The following IQCJ variants were observed in gnomAD, a reference collection of about 807,000 sequenced individuals.
IQCJ encodes the protein IQ domain-containing protein J.
A neutral mutation model predicts 11.0 loss-of-function variants in IQCJ; 9 were observed. The observed-to-expected ratio is 0.82, with a 90% CI of 0.49 to 1.43. The LOEUF (loss-of-function observed/expected upper bound fraction) is 1.43. IQCJ is among the 40% of genes most tolerant of loss of function. The pLI, the probability that IQCJ is intolerant of heterozygous loss-of-function variation, is 0.00. For missense variants in IQCJ, 146 were observed against 133.2 expected, an observed-to-expected ratio of 1.10 and a Z score of -0.47; for synonymous variants, 55 against 51.3, an observed-to-expected ratio of 1.07 and a Z score of -0.31.
chr3:159,203,328 AT>A (rs1177019441), intron 1 of IQCJ, among the ~76,000 whole-genome samples: 2 of 150,492 alleles, frequency 1.3e-5, no homozygotes, highest in Middle Eastern at 3.2e-3. Flanking sequence ...AGGTGAGGAA[AT>A]TGCAGCTCAG....
intron 1 of IQCJ, among the ~76,000 whole-genome samples, chr3:159,147,631 AG>A (rs1041347977): frequency 1.3e-5 from 2 of 152,170 alleles, no homozygotes; most frequent in Non-Finnish European, 2.9e-5. Flanking sequence ...TGGTTGGGGG[AG>A]GGGAATTAAG....
intron 2 of IQCJ, among the ~76,000 whole-genome samples, 180 bp from the exon 3 acceptor site, chr3:159,252,547 A>AT (rs536180323): frequency 4.0e-4 from 60 of 149,890 alleles, no homozygotes; most frequent in African/African-American, 8.6e-4. Context: ...TCAAAGCCAC[A>AT]TTTTTTTTTT....
At chr3:159,201,519 G>GTT (rs1358075558) in intron 1 of IQCJ, among the ~76,000 whole-genome samples, 41 of 151,274 alleles carry the variant, frequency 2.7e-4, no homozygotes, top group Non-Finnish European at 4.9e-4. Context: ...CTCTGTGTGT[G>GTT]TGTGTGTGTG....
intron 1 of IQCJ, among the ~76,000 whole-genome samples, chr3:159,129,194 A>G (rs1719850086): frequency 6.6e-6 from 1 of 152,216 alleles, no homozygotes; most frequent in Non-Finnish European, 1.5e-5. Flanking sequence ...CAGAGGCCCT[A>G]AGAGATTAAA....
chr3:159,143,545 C>T (rs1393067571), intron 1 of IQCJ, among the ~76,000 whole-genome samples: 2 of 152,116 alleles, frequency 1.3e-5, no homozygotes, highest in Admixed American at 6.6e-5. Context: ...GCCTTAAACC[C>T]AGAGCGTGGG....
chr3:159,128,173 C>G (rs754197415), intron 1 of IQCJ, among the ~76,000 whole-genome samples: 9 of 151,988 alleles, frequency 5.9e-5, no homozygotes, highest in Non-Finnish European at 1.0e-4. Flanking sequence ...TATTATCAGG[C>G]AAAGGTAAAT....
intron 1 of IQCJ, among the ~76,000 whole-genome samples, chr3:159,145,352 T>C (rs1720865890): frequency 6.6e-6 from 1 of 152,212 alleles, no homozygotes; most frequent in Non-Finnish European, 1.5e-5. Flanking sequence ...GAGTTAAATG[T>C]CTTCTTCTGT....
At chr3:159,127,475 A>C (rs977532453) in intron 1 of IQCJ, among the ~76,000 whole-genome samples, 5 of 152,204 alleles carry the variant, frequency 3.3e-5, no homozygotes, top group African/African-American at 1.2e-4. Context: ...AGAGCTCAGG[A>C]AACTCTAGTT....
intron 1 of IQCJ, among the ~76,000 whole-genome samples, chr3:159,101,214 G>A (rs970514261): frequency 3.4e-4 from 50 of 148,060 alleles, no homozygotes; most frequent in East Asian, 8.2e-4. Context: ...GCAATGCCTC[G>A]CCCTGCTTCG....
chr3:159,202,500 T>C (rs915148118), intron 1 of IQCJ, among the ~76,000 whole-genome samples: 4 of 152,202 alleles, frequency 2.6e-5, no homozygotes, highest in Non-Finnish European at 5.9e-5. Context: ...ACATTCTTGC[T>C]CTAGGTGCCC....
chr3:159,254,036 A>G (rs1401145535), intron 3 of IQCJ, among the ~76,000 whole-genome samples: 1 of 152,228 alleles, frequency 6.6e-6, no homozygotes, highest in Non-Finnish European at 1.5e-5. Context: ...TGTCACACTT[A>G]CTAAATACAT....
chr3:159,219,005 C>T (rs1170972173), intron 1 of IQCJ, among the ~76,000 whole-genome samples: 1 of 152,114 alleles, frequency 6.6e-6, no homozygotes, highest in Non-Finnish European at 1.5e-5. Context: ...CTTATTCTCA[C>T]CCCTCTGCCT....
At chr3:159,129,069 C>T (rs145027760) in intron 1 of IQCJ, among the ~76,000 whole-genome samples, 1 of 152,116 alleles carries the variant, frequency 6.6e-6, no homozygotes, top group Non-Finnish European at 1.5e-5. Context: ...AATTTTTCAA[C>T]TTTTATGAAA....
intron 1 of IQCJ, among the ~76,000 whole-genome samples, chr3:159,203,627 A>G (rs1043472296): frequency 1.3e-5 from 2 of 152,062 alleles, no homozygotes; most frequent in Non-Finnish European, 2.9e-5. Context: ...AGAGAAAGAC[A>G]GGGGAGGAGG....
At chr3:159,195,745 C>G (rs73877546) in intron 1 of IQCJ, among the ~76,000 whole-genome samples, 1,787 of 152,222 alleles carry the variant, frequency 0.012, 27 homozygotes, top group African/African-American at 0.041. Flanking sequence ...CTATCACCCC[C>G]GTAGTGCAAT....
At chr3:159,265,533 C>A, downstream of IQCJ, 1 of 682,590 alleles carries the variant, frequency 1.5e-6, no homozygotes, top group Non-Finnish European at 2.4e-6. Context: ...GCCTTCAGTC[C>A]AAGTCAAATG....
At chr3:159,088,261 T>A (rs1321139594) in intron 1 of IQCJ, among the ~76,000 whole-genome samples, 1 of 152,200 alleles carries the variant, frequency 6.6e-6, no homozygotes, top group Non-Finnish European at 1.5e-5. Flanking sequence ...AGTTCTAGTT[T>A]GATTGCACTG....
intron 1 of IQCJ, among the ~76,000 whole-genome samples, chr3:159,242,834 A>G (rs891991343): frequency 1.3e-5 from 2 of 152,188 alleles, no homozygotes; most frequent in South Asian, 2.1e-4. Flanking sequence ...ACAATAAATT[A>G]TATTGCATCA....
Position 159,154,949 on chromosome 3 carries a change from C to A in IQCJ, c.9+85508C>A, listed in dbSNP as rs550938906. On this transcript the variant is annotated intron_variant, in intron 1 of 3. Coordinates refer to ENST00000397832, the MANE Select transcript of IQCJ (RefSeq NM_001042706.3). ...CCTGTCTTCCATCTTATTCTTTCTC[C>A]TTCACATTTGTATTTCCCACCCCCG... Among the ~76,000 whole-genome samples the A allele has an allele frequency of 1.2e-4, 19 of 152,106 alleles. No individual in the cohort carries two copies. The South Asian group carries it at 4.0e-3, about 32-fold the overall frequency.
Sources: gnomAD v4.1 joint callset for allele counts (sites outside exome capture counted in the v4.1 genomes callset) on GRCh38, gnomAD v4.1.1 for gene constraint, MANE v1.5 for transcripts, NCBI Gene and HGNC (gene_info 2026-07-23, HGNC 2026-07-21) for gene names.